Variants in TMEM135 observed in about 807,000 individuals in gnomAD.
TMEM135 encodes the protein transmembrane protein 135.
Under a neutral mutation model 60.3 loss-of-function variants are expected in TMEM135, and 30 were observed. The ratio of observed to expected loss-of-function variants is 0.50; its 90% CI spans 0.37 to 0.68. The LOEUF (loss-of-function observed/expected upper bound fraction) is 0.68. Ranked by LOEUF, TMEM135 falls within the 30% of genes least tolerant of loss-of-function variation. TMEM135 has a pLI of 0.00. For synonymous variants in TMEM135, 190 were observed against 186.7 expected, an observed-to-expected ratio of 1.02 and a Z score of -0.14; for missense variants, 468 against 548.8, an observed-to-expected ratio of 0.85 and a Z score of 1.47.
chr11:87,212,932 A>C (rs1940410215), intron 5 of TMEM135, among the ~76,000 whole-genome samples: 1 of 152,128 alleles, frequency 6.6e-6, no homozygotes, highest in Admixed American at 6.5e-5. Context: ...TTTATTTACA[A>C]ATTAGTAATT....
chr11:87,258,398 A>G (rs1020546219), intron 6 of TMEM135, among the ~76,000 whole-genome samples: 4 of 152,156 alleles, frequency 2.6e-5, no homozygotes, highest in African/African-American at 7.2e-5. Flanking sequence ...CATAGTGGCC[A>G]CATTACACCA....
Position 87,309,554 on chromosome 11 carries a change from G to A in TMEM135, c.818G>A (p.Arg273Gln), listed in dbSNP as rs752373800. The A allele has an allele frequency of 9.3e-6, 15 of 1,613,632 alleles. No homozygotes were observed. Among genetic ancestry groups the A allele is most frequent in the African/African-American group, 6.7e-5 (5 of 74,864 alleles). ...SVGYLIQCCL[R>Q]IPSAFRHLFT... is the part of the protein sequence containing the mutation. ...GGGTACTTGATCCAGTGCTGCCTCCGAATCCCTTCTGCATTTAGGCATCTG... is the reference window on the plus strand; with the variant it reads ...GGGTACTTGATCCAGTGCTGCCTCCAAATCCCTTCTGCATTTAGGCATCTG... The change falls in exon 10 of 15, where the codon CGA becomes CAA. Residue 273 changes from arginine to glutamine, a missense_variant. Coordinates refer to ENST00000305494, the MANE Select transcript of TMEM135 (RefSeq NM_022918.4).
intron 1 of TMEM135, among the ~76,000 whole-genome samples, chr11:87,066,686 C>T (rs1270311038): frequency 6.6e-6 from 1 of 150,670 alleles, no homozygotes; most frequent in Non-Finnish European, 1.5e-5. Flanking sequence ...TAAAACAGTC[C>T]TATGATAAAC....
rs34314691 is a variant in TMEM135 at position 87,057,817 on chromosome 11, T to TGTGTGTG, written c.142-9877_142-9876insGTGTGTG. On this transcript the variant is annotated intron_variant, in intron 1 of 14. Transcript: ENST00000305494. ...CCTCTGTGTGTGTGTGTGTGTGTGTTTGTGTGTGTGTATAAAATAAGGAAT... is the reference window on the plus strand; with the variant it reads ...CCTCTGTGTGTGTGTGTGTGTGTGTTGTGTGTGTGTGTGTGTGTATAAAATAAGGAAT... Among the ~76,000 whole-genome samples the TGTGTGTG allele has an allele frequency of 4.2e-3, 632 of 149,360 alleles. 4 individuals carry two copies. The highest frequency in any genetic ancestry group is 0.011 in the African/African-American group (443 of 40,128).
At chr11:87,238,793 G>A (rs570548476) in intron 6 of TMEM135, among the ~76,000 whole-genome samples, 33 of 152,056 alleles carry the variant, frequency 2.2e-4, no homozygotes, top group South Asian at 6.2e-4. Flanking sequence ...AAATGCAATC[G>A]TAAAAAGCTT....
At chr11:87,165,251 G>A (rs1466068194) in intron 5 of TMEM135, among the ~76,000 whole-genome samples, 4 of 107,260 alleles carry the variant, frequency 3.7e-5, no homozygotes, top group African/African-American at 7.2e-5. Context: ...TAGCATGAAG[G>A]GTTGTTGAAT....
At chr11:87,107,583 A>T (rs1857630584) in intron 4 of TMEM135, among the ~76,000 whole-genome samples, 1 of 152,138 alleles carries the variant, frequency 6.6e-6, no homozygotes, top group African/African-American at 2.4e-5. Context: ...GTCCCTACAA[A>T]GGACATGAAC....
intron 5 of TMEM135, among the ~76,000 whole-genome samples, chr11:87,211,835 T>C (rs192489644): frequency 3.3e-5 from 5 of 151,934 alleles, no homozygotes; most frequent in African/African-American, 1.2e-4. Flanking sequence ...TCCCAGCTAC[T>C]CGGGAGGTTG....
At chr11:87,114,559 G>A (rs888033631) in intron 4 of TMEM135, among the ~76,000 whole-genome samples, 1 of 152,166 alleles carries the variant, frequency 6.6e-6, no homozygotes, top group African/African-American at 2.4e-5. Context: ...TTGTAGAGCA[G>A]TACAGTTTTA....
intron 12 of TMEM135, among the ~76,000 whole-genome samples, chr11:87,315,187 C>T (rs1466333271): frequency 6.6e-6 from 1 of 151,830 alleles, no homozygotes; most frequent in Non-Finnish European, 1.5e-5. Context: ...TCCTCCTCCT[C>T]CTTCTTCCTT....
At chr11:87,091,694 T>G (rs984323892) in intron 4 of TMEM135, among the ~76,000 whole-genome samples, 3 of 152,068 alleles carry the variant, frequency 2.0e-5, no homozygotes, top group African/African-American at 7.2e-5. Flanking sequence ...ATCTGTCTCT[T>G]TATATCTCTT....
chr11:87,139,918 C>A (rs1355551056), intron 4 of TMEM135, among the ~76,000 whole-genome samples: 1 of 151,976 alleles, frequency 6.6e-6, no homozygotes, highest in East Asian at 1.9e-4. Flanking sequence ...GTTCAAGTAT[C>A]TGTTGAAATC....
chr11:87,177,600 A>G (rs1283311845), intron 5 of TMEM135, among the ~76,000 whole-genome samples: 4 of 152,038 alleles, frequency 2.6e-5, no homozygotes, highest in East Asian at 1.9e-4. Context: ...TATTTCTATC[A>G]CTCTAAAAAA....
chr11:87,060,941 C>A (rs1041379203), intron 1 of TMEM135, among the ~76,000 whole-genome samples: 1 of 152,112 alleles, frequency 6.6e-6, no homozygotes, highest in African/African-American at 2.4e-5. Context: ...CGCACCCGGC[C>A]TGTCCTTTTT....
At chr11:87,221,817 T>G (rs1398511479) in intron 5 of TMEM135, among the ~76,000 whole-genome samples, 1 of 152,212 alleles carries the variant, frequency 6.6e-6, no homozygotes, top group Non-Finnish European at 1.5e-5. Flanking sequence ...GCTCAGCATT[T>G]AAGTTTTTAC....
At chr11:87,288,008 A>G (rs999841216) in intron 6 of TMEM135, among the ~76,000 whole-genome samples, 4 of 152,182 alleles carry the variant, frequency 2.6e-5, no homozygotes, top group African/African-American at 2.4e-5. Flanking sequence ...TGCTTATTGT[A>G]AAAATTTAAA....
intron 5 of TMEM135, among the ~76,000 whole-genome samples, chr11:87,230,550 A>AT (rs1314068054): frequency 2.6e-5 from 4 of 152,182 alleles, no homozygotes; most frequent in African/African-American, 9.6e-5. Flanking sequence ...TGTTTCTACA[A>AT]GTGAACAAAT....
At chr11:87,114,694 A>C (rs1473836509) in intron 4 of TMEM135, among the ~76,000 whole-genome samples, 1 of 152,180 alleles carries the variant, frequency 6.6e-6, no homozygotes, top group Non-Finnish European at 1.5e-5. Context: ...ATGTTGGAAA[A>C]ATGGACTACA....
intron 4 of TMEM135, among the ~76,000 whole-genome samples, chr11:87,152,332 A>G (rs576582): frequency 0.37 from 55,892 of 151,776 alleles, 10,796 homozygotes; most frequent in East Asian, 0.67. Context: ...CGTTAAGTCT[A>G]TATGTTCACT....
Sources: gnomAD v4.1 joint callset for allele counts (sites outside exome capture counted in the v4.1 genomes callset) on GRCh38, gnomAD v4.1.1 for gene constraint, MANE v1.5 for transcripts, NCBI Gene and HGNC (gene_info 2026-07-23, HGNC 2026-07-21) for gene names.